Variants in TANGO6 observed in about 807,000 individuals in gnomAD.
TANGO6 encodes the protein transport and golgi organization 6 homolog.
Under a neutral mutation model 114.2 loss-of-function variants are expected in TANGO6, and 90 were observed. The observed-to-expected ratio is 0.79, with a 90% CI of 0.66 to 0.94. TANGO6 has a LOEUF of 0.94. Among genes scored for constraint, TANGO6 ranks in the 40% least tolerant of loss-of-function variants. TANGO6 has a pLI of 0.00. For synonymous variants in TANGO6, 477 were observed against 509.8 expected, an observed-to-expected ratio of 0.94 and a Z score of 0.87; for missense variants, 1,274 against 1,315.3, an observed-to-expected ratio of 0.97 and a Z score of 0.49.
At chr16:68,853,599 C>G (rs537952392) in intron 1 of TANGO6, among the ~76,000 whole-genome samples, 99 of 152,186 alleles carry the variant, frequency 6.5e-4, no homozygotes, top group Non-Finnish European at 9.3e-4. Flanking sequence ...TATGAACATT[C>G]TTGTACAAGT....
At chr16:68,964,051 ACTTTGAAAG>A (rs1963620479) in intron 14 of TANGO6, among the ~76,000 whole-genome samples, 19 of 152,160 alleles carry the variant, frequency 1.2e-4, no homozygotes, top group Admixed American at 1.0e-3. Flanking sequence ...TAGCTGTTCT[ACTTTGAAAG>A]ACAAAATTTG....
chr16:68,980,409 CTATATATA>C (rs1231646458), intron 15 of TANGO6, among the ~76,000 whole-genome samples: 25 of 67,992 alleles, frequency 3.7e-4, no homozygotes, highest in African/African-American at 9.9e-4. Flanking sequence ...CTCTCTCTCT[CTATATATA>C]TATATATATA....
At chr16:68,939,261 G>A (rs984132893) in intron 14 of TANGO6, among the ~76,000 whole-genome samples, 2 of 152,016 alleles carry the variant, frequency 1.3e-5, no homozygotes, top group Admixed American at 1.3e-4. Context: ...GTGGTGGCAG[G>A]CGCCTGTAAT....
intron 17 of TANGO6, among the ~76,000 whole-genome samples, chr16:69,063,714 A>G (rs900711635): frequency 6.7e-6 from 1 of 149,192 alleles, no homozygotes; most frequent in Non-Finnish European, 1.5e-5. Context: ...AGGATGGAGA[A>G]TCATTAACTA....
chr16:68,866,348 G>T (rs1331002675), intron 3 of TANGO6, among the ~76,000 whole-genome samples: 1 of 152,080 alleles, frequency 6.6e-6, no homozygotes, highest in Non-Finnish European at 1.5e-5. Context: ...TGTCGGCCGG[G>T]CGCGGTGGCT....
chr16:68,957,543 G>T (rs1002697639), intron 14 of TANGO6, among the ~76,000 whole-genome samples: 1 of 151,810 alleles, frequency 6.6e-6, no homozygotes, highest in African/African-American at 2.4e-5. Context: ...GATTACAAGC[G>T]CCCAGCACCA....
chr16:68,918,806 G>A (rs148792657), intron 11 of TANGO6, among the ~76,000 whole-genome samples: 234 of 152,308 alleles, frequency 1.5e-3, no homozygotes, highest in African/African-American at 5.0e-3. Flanking sequence ...TGGGAGTGGG[G>A]CTAGCCCAGA....
At position 68,902,512 on chromosome 16, in the gene TANGO6, C is replaced by G; in HGVS notation, c.1667+8C>G. ...CATCAAAGAGGCCATTAGGTGAGTCCACCCATCCGTTACTGTTCTCTTCAG... is the reference window on the plus strand; with the variant it reads ...CATCAAAGAGGCCATTAGGTGAGTCGACCCATCCGTTACTGTTCTCTTCAG... On this transcript the variant is annotated splice_region_variant and intron_variant, in intron 9 of 17. Coordinates refer to ENST00000261778, the MANE Select transcript of TANGO6 (RefSeq NM_024562.2). 6.2e-7 allele frequency: 1 copy of G among 1,603,930 alleles called. No homozygotes were observed.
intron 15 of TANGO6, among the ~76,000 whole-genome samples, chr16:68,988,153 C>T (rs1268934988): frequency 6.6e-6 from 1 of 152,116 alleles, no homozygotes; most frequent in Non-Finnish European, 1.5e-5. Flanking sequence ...CCACTTTCTC[C>T]CTCCCCATTC....
intron 15 of TANGO6, among the ~76,000 whole-genome samples, chr16:68,997,468 G>A (rs1339771495): frequency 6.6e-6 from 1 of 152,212 alleles, no homozygotes; most frequent in Non-Finnish European, 1.5e-5. Context: ...TCTGGACATT[G>A]CTATGGCATT....
chr16:69,000,146 T>C (rs1964027284), intron 15 of TANGO6, among the ~76,000 whole-genome samples: 1 of 152,220 alleles, frequency 6.6e-6, no homozygotes, highest in Non-Finnish European at 1.5e-5. Context: ...CATATCAGAA[T>C]TATAGAAGTT....
chr16:69,018,254 C>G (rs1959339344), intron 15 of TANGO6, among the ~76,000 whole-genome samples: 1 of 150,066 alleles, frequency 6.7e-6, no homozygotes, highest in Non-Finnish European at 1.5e-5. Context: ...CGCCATTCTC[C>G]TGCCTCAGCC....
At chr16:68,878,048 C>G (rs972032779) in intron 5 of TANGO6, 70 bp from the exon 6 acceptor site, 16 of 1,322,740 alleles carry the variant, frequency 1.2e-5, no homozygotes, top group Non-Finnish European at 1.6e-5. Context: ...GAAATTCATG[C>G]TTTTTGTTTT....
intron 12 of TANGO6, among the ~76,000 whole-genome samples, chr16:68,923,145 A>T (rs1270882039): frequency 1.4e-5 from 2 of 146,764 alleles, no homozygotes; most frequent in Non-Finnish European, 3.0e-5. Context: ...TGTAGTAGAG[A>T]TGGGGTTTCT....
At chr16:68,980,591 G>A (rs997478316) in intron 15 of TANGO6, among the ~76,000 whole-genome samples, 8 of 151,658 alleles carry the variant, frequency 5.3e-5, no homozygotes, top group African/African-American at 1.9e-4. Context: ...AGGACTCCGA[G>A]GTGGGAGGAT....
intron 10 of TANGO6, 72 bp downstream of exon 10, chr16:68,907,647 G>C (rs1168149540): frequency 2.7e-6 from 4 of 1,464,334 alleles, no homozygotes; most frequent in Non-Finnish European, 3.6e-6. Context: ...AATTTTCAAA[G>C]CATTTATAAT....
At chr16:68,940,613 A>C (rs1963343371) in intron 14 of TANGO6, among the ~76,000 whole-genome samples, 1 of 145,020 alleles carries the variant, frequency 6.9e-6, no homozygotes, top group African/African-American at 2.9e-5. Context: ...TGGCCTATAC[A>C]TCAGGCCGAC....
At chr16:69,083,375 G>A (rs1960493822) in intron 17 of TANGO6, 110 bp from the exon 18 acceptor site, 12 of 1,309,246 alleles carry the variant, frequency 9.2e-6, no homozygotes, top group Non-Finnish European at 1.2e-5. Context: ...TCTTCAGGAA[G>A]TCTGTGGATG....
chr16:68,969,791 G>A (rs1355642480), intron 14 of TANGO6, among the ~76,000 whole-genome samples: 2 of 152,156 alleles, frequency 1.3e-5, no homozygotes, highest in Admixed American at 1.3e-4. Flanking sequence ...ATTAGAGGGT[G>A]TTTATTGGCT....
Sources: gnomAD v4.1 joint callset for allele counts (sites outside exome capture counted in the v4.1 genomes callset) on GRCh38, gnomAD v4.1.1 for gene constraint, MANE v1.5 for transcripts, NCBI Gene and HGNC (gene_info 2026-07-23, HGNC 2026-07-21) for gene names.